GLIPR1L2: variants seen among roughly 807,000 people sequenced by gnomAD.
GLIPR1L2 encodes the protein GLIPR1-like protein 2.
In GLIPR1L2, 21 loss-of-function variants were observed where a neutral mutation model predicts 28.4. That is an observed-to-expected ratio of 0.74 (90% CI 0.52 to 1.06). The LOEUF (loss-of-function observed/expected upper bound fraction) is 1.06. Ranked by LOEUF, GLIPR1L2 falls within the 50% of genes least tolerant of loss-of-function variation. The pLI, the probability that GLIPR1L2 is intolerant of heterozygous loss-of-function variation, is 0.00. For missense variants in GLIPR1L2, 476 were observed against 416.9 expected (o/e 1.14, Z -1.23); for synonymous variants, 145 against 139.3 (o/e 1.04, Z -0.29).
At chr12:75,405,926 A>G (rs937722225) in intron 1 of GLIPR1L2, among the ~76,000 whole-genome samples, 2 of 151,632 alleles carry the variant, frequency 1.3e-5, no homozygotes, top group African/African-American at 4.8e-5. Context: ...CTAGAATTTG[A>G]TTTTTTCTCT....
intron 1 of GLIPR1L2, among the ~76,000 whole-genome samples, chr12:75,397,840 C>T (rs1388920242): frequency 6.6e-6 from 1 of 152,120 alleles, no homozygotes; most frequent in Non-Finnish European, 1.5e-5. Context: ...GCAAATATTT[C>T]AGTCCCAGAA....
At chr12:75,399,587 A>G (rs879647484) in intron 1 of GLIPR1L2, among the ~76,000 whole-genome samples, 3 of 152,060 alleles carry the variant, frequency 2.0e-5, no homozygotes, top group African/African-American at 4.8e-5. Context: ...TTATTTTTCT[A>G]TTAGTTTTTT....
chr12:75,431,903 G>A lies in GLIPR1L2; in HGVS notation c.*742G>A, dbSNP rs2046096133. 1 of 151,780 alleles carries A rather than the reference G, an allele frequency of 6.6e-6. No individual in the cohort carries two copies. The highest frequency in any genetic ancestry group is 2.4e-5 in the African/African-American group (1 of 41,332). The allele number at this position is 151,780 out of a possible 1,614,324, so 9.4% of individuals were successfully genotyped here. A position where few individuals can be genotyped will look rare whatever the true frequency, so the allele number is the denominator to read the frequency against. On this transcript the variant is annotated 3_prime_UTR_variant, in exon 6 of 6. Coordinates refer to ENST00000550916, the MANE Select transcript of GLIPR1L2 (RefSeq NM_001270396.2). ...AAACTATTAACTTGTTATTCAATAG[G>A]TATAGTAAAAGTTAACAGATTAATA...
intron 1 of GLIPR1L2, among the ~76,000 whole-genome samples, chr12:75,403,531 C>T (rs2045764891): frequency 6.6e-6 from 1 of 152,094 alleles, no homozygotes; most frequent in African/African-American, 2.4e-5. Flanking sequence ...TAACTCTATA[C>T]TCCACTAACT....
chr12:75,391,293 C>A lies in GLIPR1L2; in HGVS notation c.177C>A (p.Asn59Lys), dbSNP rs2045584512. Residue 59 changes from asparagine to lysine, a missense_variant, in exon 1 of 6, where the codon AAC (asparagine) becomes AAA (lysine). By Grantham distance (94) the Asn-to-Lys change is moderately conservative. Transcript: ENST00000550916. Reference protein sequence around the residue: ...EDVDFINEYVNLHNELRGDVI... With the variant: ...EDVDFINEYVKLHNELRGDVI... ...TAGACTTTATCAACGAGTACGTGAACCTCCACAATGAGCTGCGGGGCGACG... is the reference window on the plus strand; with the variant it reads ...TAGACTTTATCAACGAGTACGTGAAACTCCACAATGAGCTGCGGGGCGACG... 1.9e-6 allele frequency: 3 copies of A among 1,614,064 alleles called. No individual in the cohort carries two copies. Among genetic ancestry groups the A allele is most frequent in the Non-Finnish European group, 2.5e-6 (3 of 1,180,018 alleles).
chr12:75,420,438 G>C (rs2045965562), intron 3 of GLIPR1L2, among the ~76,000 whole-genome samples: 1 of 152,128 alleles, frequency 6.6e-6, no homozygotes, highest in Admixed American at 6.6e-5. Context: ...TTCTCTGTTA[G>C]GCCGCCCAGG....
rs1185852175 is a variant in GLIPR1L2 at position 75,430,923 on chromosome 12, T to G, written c.797T>G (p.Leu266Arg). ...TTATTGAGAATATTATGTTTTATCCTGTGTGTCATAACTGTTTTGATAGTA... is the reference window on the plus strand; with the variant it reads ...TTATTGAGAATATTATGTTTTATCCGGTGTGTCATAACTGTTTTGATAGTA... ...ILLLRILCFI[L>R]CVITVLIVQS... Residue 266 changes from leucine to arginine, a missense_variant, in exon 6 of 6, where the codon CTG (leucine) becomes CGG (arginine). Coordinates refer to ENST00000550916, the MANE Select transcript of GLIPR1L2 (RefSeq NM_001270396.2). The G allele has an allele frequency of 2.0e-6, 3 of 1,535,520 alleles. No homozygotes were observed. Among genetic ancestry groups the G allele is most frequent in the Non-Finnish European group, 2.6e-6 (3 of 1,146,460 alleles).
At chr12:75,392,640 T>A (rs1410989952) in intron 1 of GLIPR1L2, among the ~76,000 whole-genome samples, 1 of 152,128 alleles carries the variant, frequency 6.6e-6, no homozygotes, top group Non-Finnish European at 1.5e-5. Context: ...TAATTCTGTT[T>A]CTTCCCAATT....
At chr12:75,400,728 A>G (rs571888184) in intron 1 of GLIPR1L2, among the ~76,000 whole-genome samples, 1 of 152,356 alleles carries the variant, frequency 6.6e-6, no homozygotes, top group South Asian at 2.1e-4. Context: ...ACTGGAGATT[A>G]TAAGTGATAA....
Position 75,400,857 on chromosome 12 carries a change from C to T in GLIPR1L2, c.234+9507C>T, listed in dbSNP as rs1204205393. ...AGGGCTAGCATTCCTGAAGTCTGATCTTTGTGTACGATGGCATGAAATGGG... is the reference window on the plus strand; with the variant it reads ...AGGGCTAGCATTCCTGAAGTCTGATTTTTGTGTACGATGGCATGAAATGGG... On this transcript the variant is annotated intron_variant, in intron 1 of 5. Coordinates refer to ENST00000550916, the MANE Select transcript of GLIPR1L2 (RefSeq NM_001270396.2). 3.3e-5 allele frequency among the ~76,000 whole-genome samples: 5 copies of T among 151,976 alleles called. No homozygotes were observed. The East Asian group carries it at 9.6e-4, about 29-fold the overall frequency.
chr12:75,427,972 A>T (rs2046051387), intron 4 of GLIPR1L2, among the ~76,000 whole-genome samples: 1 of 152,186 alleles, frequency 6.6e-6, no homozygotes, highest in Admixed American at 6.5e-5. Flanking sequence ...CAGTGTGAAA[A>T]TCAACTAATA....
intron 1 of GLIPR1L2, among the ~76,000 whole-genome samples, chr12:75,398,193 GT>G (rs2045701384): frequency 6.6e-6 from 1 of 151,808 alleles, no homozygotes; most frequent in Admixed American, 6.6e-5. Context: ...GCCGAGCGTT[GT>G]GGCAGGCGCC....
intron 1 of GLIPR1L2, among the ~76,000 whole-genome samples, chr12:75,392,496 C>T (rs781336371): frequency 4.2e-4 from 64 of 152,240 alleles, no homozygotes; most frequent in Middle Eastern, 6.8e-3. Context: ...TATATGCTGT[C>T]TTATAGAACT....
intron 2 of GLIPR1L2, among the ~76,000 whole-genome samples, chr12:75,412,915 A>G (rs2045883916): frequency 6.6e-6 from 1 of 152,118 alleles, no homozygotes; most frequent in Non-Finnish European, 1.5e-5. Flanking sequence ...TTGTGGCACT[A>G]TTCACAATAG....
At chr12:75,412,021 A>G (rs920086603) in intron 2 of GLIPR1L2, among the ~76,000 whole-genome samples, 1 of 152,010 alleles carries the variant, frequency 6.6e-6, no homozygotes, top group Non-Finnish European at 1.5e-5. Flanking sequence ...TGAAAAGGCC[A>G]GATTTTGTTT....
intron 1 of GLIPR1L2, among the ~76,000 whole-genome samples, chr12:75,394,990 T>C (rs1340959021): frequency 6.6e-6 from 1 of 152,002 alleles, no homozygotes; most frequent in Non-Finnish European, 1.5e-5. Context: ...TATTTTATTC[T>C]TTTTGATGCT....
At chr12:75,408,862 G>T (rs4882622) in intron 1 of GLIPR1L2, among the ~76,000 whole-genome samples, 76,066 of 151,846 alleles carry the variant, frequency 0.5, 19,416 homozygotes, top group East Asian at 0.58. Context: ...TATGTTTGTA[G>T]ATACAGAGAT....
At chr12:75,404,441 A>G (rs1167265235) in intron 1 of GLIPR1L2, among the ~76,000 whole-genome samples, 1 of 152,152 alleles carries the variant, frequency 6.6e-6, no homozygotes, top group Admixed American at 6.5e-5. Flanking sequence ...AGACTGGTTT[A>G]GTAATGTTGG....
At chr12:75,411,485 A>G (rs1002135186) in intron 2 of GLIPR1L2, among the ~76,000 whole-genome samples, 2 of 151,494 alleles carry the variant, frequency 1.3e-5, no homozygotes, top group African/African-American at 2.4e-5. Context: ...AAATTTTTTC[A>G]TCAGTTTTTT....
Sources: gnomAD v4.1 joint callset for allele counts (sites outside exome capture counted in the v4.1 genomes callset) on GRCh38, gnomAD v4.1.1 for gene constraint, MANE v1.5 for transcripts, NCBI Gene and HGNC (gene_info 2026-07-23, HGNC 2026-07-21) for gene names.